The following ABCB1 variants were observed in gnomAD, a reference collection of about 807,000 sequenced individuals.
ABCB1 encodes the protein ATP binding cassette subfamily B member 1.
ABCB1 carries 69 observed loss-of-function variants against 142.0 expected under a neutral mutation model. The ratio of observed to expected loss-of-function variants is 0.49; its 90% CI spans 0.40 to 0.59. ABCB1 has a LOEUF of 0.59. Ranked by LOEUF, ABCB1 falls within the 20% of genes least tolerant of loss-of-function variation. The pLI is 0.00. For missense variants in ABCB1, 1,326 were observed against 1,554.7 expected (o/e 0.85, Z 2.47); for synonymous variants, 532 against 539.2 (o/e 0.99, Z 0.18).
Position 87,585,555 on chromosome 7 carries a change from A to G in ABCB1, c.243T>C (p.Asn81=). ...VFGEMTDIFA[N]AGNLEDLMSN... is the part of the protein sequence containing the mutation. ...ACATCAGATCTTCTAAATTTCCTGC[A>G]TTTGCAAAGATATCTGTCATTTCTC... The change falls in exon 4 of 28, where the codon AAT becomes AAC. Residue 81 remains asparagine (N), a synonymous_variant. Coordinates refer to ENST00000622132, the MANE Select transcript of ABCB1 (RefSeq NM_001348946.2). The G allele has an allele frequency of 6.2e-7, 1 of 1,613,900 alleles. No individual in the cohort carries two copies. The highest frequency in any genetic ancestry group is 1.6e-4 in the Middle Eastern group (1 of 6,062).
intron 21 of ABCB1, among the ~76,000 whole-genome samples, chr7:87,529,171 G>A (rs1274276451): frequency 2.0e-5 from 3 of 152,186 alleles, no homozygotes; most frequent in Non-Finnish European, 2.9e-5. Flanking sequence ...CAGGGAGATT[G>A]GTTAGGAGGC....
At chr7:87,656,962 C>G (rs1215222408) in intron 1 of ABCB1, among the ~76,000 whole-genome samples, 1 of 152,084 alleles carries the variant, frequency 6.6e-6, no homozygotes, top group Non-Finnish European at 1.5e-5. Flanking sequence ...AAACAAAAAT[C>G]CCTGCCCTCA....
At chr7:87,649,037 T>A (rs1387065560) in intron 1 of ABCB1, among the ~76,000 whole-genome samples, 3 of 152,188 alleles carry the variant, frequency 2.0e-5, no homozygotes, top group Non-Finnish European at 2.9e-5. Flanking sequence ...TACTCTTTTA[T>A]CTCCTTTATA....
intron 3 of ABCB1, among the ~76,000 whole-genome samples, chr7:87,590,646 A>G (rs1453600563): frequency 6.6e-6 from 1 of 152,226 alleles, no homozygotes; most frequent in African/African-American, 2.4e-5. Flanking sequence ...GCTGTATCCC[A>G]AGGACCAAAG....
At chr7:87,614,851 T>C (rs1563075388) in intron 1 of ABCB1, among the ~76,000 whole-genome samples, 1 of 150,214 alleles carries the variant, frequency 6.7e-6, no homozygotes, top group African/African-American at 2.4e-5. Flanking sequence ...TTTTTTTTGG[T>C]GGGGGGGGCC....
chr7:87,562,592 G>A (rs1338640624), intron 7 of ABCB1, among the ~76,000 whole-genome samples: 3 of 152,108 alleles, frequency 2.0e-5, no homozygotes, highest in African/African-American at 7.2e-5. Flanking sequence ...TTAAAGTTAG[G>A]AGTGTTTAAA....
intron 1 of ABCB1, among the ~76,000 whole-genome samples, chr7:87,643,529 T>G (rs1822662202): frequency 6.6e-6 from 1 of 152,030 alleles, no homozygotes. Context: ...TTTTTGGGTG[T>G]GTGGGTGCGG....
chr7:87,689,205 G>T (rs758826445), intron 1 of ABCB1, among the ~76,000 whole-genome samples: 17 of 152,016 alleles, frequency 1.1e-4, no homozygotes, highest in Non-Finnish European at 2.1e-4. Context: ...TTTATAATAA[G>T]AGAGTTAAAG....
intron 1 of ABCB1, among the ~76,000 whole-genome samples, chr7:87,668,323 A>G (rs1378492073): frequency 6.6e-6 from 1 of 151,982 alleles, no homozygotes; most frequent in Non-Finnish European, 1.5e-5. Context: ...CTGTGGGGTC[A>G]GTAGTAACAT....
intron 1 of ABCB1, among the ~76,000 whole-genome samples, chr7:87,663,176 T>G (rs2130464034): frequency 6.6e-6 from 1 of 152,278 alleles, no homozygotes; most frequent in East Asian, 1.9e-4. Flanking sequence ...TAAGATCATA[T>G]CATCTGAAAA....
intron 1 of ABCB1, among the ~76,000 whole-genome samples, chr7:87,612,103 G>T (rs1819874671): frequency 6.6e-6 from 1 of 152,078 alleles, no homozygotes. Context: ...GATTCAATGA[G>T]TTGCAAAGTG....
intron 1 of ABCB1, among the ~76,000 whole-genome samples, chr7:87,691,906 C>T (rs910538649): frequency 2.0e-5 from 3 of 152,102 alleles, no homozygotes. Context: ...CTTTTCTCAT[C>T]TGTAAAATGA....
intron 20 of ABCB1, among the ~76,000 whole-genome samples, chr7:87,534,618 T>C (rs971893508): frequency 1.3e-5 from 2 of 152,052 alleles, no homozygotes; most frequent in African/African-American, 2.4e-5. Context: ...CTGAATTTCA[T>C]AAAGATCAAC....
chr7:87,551,411 A>T (rs554360805), intron 9 of ABCB1, among the ~76,000 whole-genome samples: 1 of 152,358 alleles, frequency 6.6e-6, no homozygotes, highest in East Asian at 1.9e-4. Flanking sequence ...TTTTGTGTGT[A>T]TGTGTGTGTA....
intron 1 of ABCB1, among the ~76,000 whole-genome samples, chr7:87,694,535 A>G (rs1416062290): frequency 2.0e-5 from 3 of 152,234 alleles, no homozygotes; most frequent in African/African-American, 7.2e-5. Context: ...AAAGTAAAAA[A>G]CAAATGTCAT....
At chr7:87,509,206 TATAAATC>T in intron 26 of ABCB1, 62 bp downstream of exon 26, 1 of 1,532,582 alleles carries the variant, frequency 6.5e-7, no homozygotes, top group Non-Finnish European at 9.0e-7. Context: ...ACCAGCCCCT[TATAAATC>T]AAACTATAGG....
intron 1 of ABCB1, among the ~76,000 whole-genome samples, chr7:87,640,910 C>T (rs1278061514): frequency 6.6e-6 from 1 of 152,082 alleles, no homozygotes; most frequent in Non-Finnish European, 1.5e-5. Flanking sequence ...ATTTTAAAAA[C>T]CTGTCTTTTT....
chr7:87,610,373 G>A (rs1819806892), intron 1 of ABCB1, among the ~76,000 whole-genome samples: 1 of 144,360 alleles, frequency 6.9e-6, no homozygotes, highest in Non-Finnish European at 1.5e-5. Flanking sequence ...GAGTAGCTGG[G>A]ACTACATACT....
chr7:87,550,718 G>T lies in ABCB1; in HGVS notation c.1113+7C>A. The T allele has an allele frequency of 6.2e-7, 1 of 1,600,492 alleles. No homozygotes were observed. Among genetic ancestry groups the T allele is most frequent in the Non-Finnish European group, 8.6e-7 (1 of 1,167,708 alleles). On this transcript the variant is annotated splice_region_variant and intron_variant, in intron 10 of 27. Transcript: ENST00000622132. ...GATAGGTGGATAGATGGCCAACTCA[G>T]ACTTACATTATCAATTATCTTGAAG...
Sources: allele counts gnomAD v4.1 joint callset (sites outside exome capture counted in the v4.1 genomes callset), GRCh38; gene constraint gnomAD v4.1.1; transcripts MANE v1.5; gene names NCBI Gene and HGNC (gene_info 2026-07-23, HGNC 2026-07-21).